The following ZNF354A variants were observed in gnomAD, a reference collection of about 807,000 sequenced individuals.
ZNF354A encodes zinc finger protein 354A, also known as epididymis luminal protein 104.
A neutral mutation model predicts 53.3 loss-of-function variants in ZNF354A; 25 were observed. The ratio of observed to expected loss-of-function variants is 0.47; its 90% CI spans 0.34 to 0.66. The LOEUF (loss-of-function observed/expected upper bound fraction) is 0.66, where lower values mean the gene tolerates loss of function less well. Among genes scored for constraint, ZNF354A ranks in the 30% least tolerant of loss-of-function variants. ZNF354A has a pLI of 0.01. For missense variants in ZNF354A, 586 were observed against 716.8 expected (o/e 0.82, Z 2.08); for synonymous variants, 228 against 249.0 (o/e 0.92, Z 0.79).
chr5:178,722,707 T>C (rs1028159041), intron 4 of ZNF354A, among the ~76,000 whole-genome samples: 5 of 152,130 alleles, frequency 3.3e-5, no homozygotes, highest in East Asian at 3.9e-4. Flanking sequence ...TTTAGGTTCT[T>C]GGAAAACAGG....
rs1765663146 is a variant in ZNF354A at position 178,713,564 on chromosome 5, T to C, written c.314A>G (p.Gln105Arg). The C allele has an allele frequency of 6.2e-7, 1 of 1,603,796 alleles. No individual in the cohort carries two copies. Among genetic ancestry groups the C allele is most frequent in the Admixed American group, 1.7e-5 (1 of 57,410 alleles). Residue 105 changes from glutamine (Q) to arginine (R), a missense_variant, in exon 5 of 5, where the codon CAG becomes CGG. Coordinates refer to ENST00000335815, the MANE Select transcript of ZNF354A (RefSeq NM_005649.3). The stretch of plus-strand genomic sequence containing the variant: ...GTTGGATCTTTTCAGTATCAGTCCC[T>C]GAAATGAAGAGTCTTGTGTTTGCGT... The part of the protein sequence containing the change: ...KSTQTQDSSF[Q>R]GLILKRSNRN...
chr5:178,723,824 A>G lies in ZNF354A; in HGVS notation c.256+1552T>C, dbSNP rs570621794. On this transcript the variant is annotated intron_variant, in intron 4 of 4. Coordinates refer to ENST00000335815, the MANE Select transcript of ZNF354A (RefSeq NM_005649.3). ...CCAGTTCAACCACTCTCAGTCCCCC[A>G]CTGCCACGATGGCCCCTCCCCGTTT... Among the ~76,000 whole-genome samples, 3 of 144,260 alleles carry G rather than the reference A, an allele frequency of 2.1e-5. No homozygotes were observed. In the East Asian group the frequency reaches 6.3e-4, roughly 30 times the overall value. The allele number at this position is 144,260 out of a possible 152,430, so 94.6% of individuals were successfully genotyped here. A position where few individuals can be genotyped will look rare whatever the true frequency, so the allele number is the denominator to read the frequency against.
At chr5:178,723,626 C>T (rs1184982936) in intron 4 of ZNF354A, among the ~76,000 whole-genome samples, 1 of 152,204 alleles carries the variant, frequency 6.6e-6, no homozygotes, top group Non-Finnish European at 1.5e-5. Flanking sequence ...GTCTTTCCCA[C>T]GTGGTCCTCA....
intron 4 of ZNF354A, among the ~76,000 whole-genome samples, chr5:178,724,837 T>C (rs1396176419): frequency 6.6e-6 from 1 of 152,232 alleles, no homozygotes; most frequent in Non-Finnish European, 1.5e-5. Context: ...CCTGGACTCT[T>C]GTTTTCAGGG....
intron 4 of ZNF354A, among the ~76,000 whole-genome samples, chr5:178,718,466 G>T (rs1765754680): frequency 6.6e-6 from 1 of 152,284 alleles, no homozygotes; most frequent in African/African-American, 2.4e-5. Context: ...CTCCCTGGAT[G>T]ATTTCATTTA....
At chr5:178,719,204 A>T (rs942998300) in intron 4 of ZNF354A, among the ~76,000 whole-genome samples, 1 of 152,222 alleles carries the variant, frequency 6.6e-6, no homozygotes, top group Non-Finnish European at 1.5e-5. Context: ...CCTACTATGT[A>T]TTAGGCTCTA....
intron 1 of ZNF354A, among the ~76,000 whole-genome samples, chr5:178,730,111 C>T (rs1766003709): frequency 6.6e-6 from 1 of 152,116 alleles, no homozygotes; most frequent in African/African-American, 2.4e-5. Context: ...GTGATCCACC[C>T]GCTTCGGCCT....
At chr5:178,729,921 G>GT (rs1171431234) in intron 1 of ZNF354A, among the ~76,000 whole-genome samples, 3 of 137,906 alleles carry the variant, frequency 2.2e-5, no homozygotes, top group East Asian at 2.2e-4. Flanking sequence ...CTGGAGTGCA[G>GT]GGCTTGATCT....
rs145740485 is a variant in ZNF354A, at chr5:178,714,603, T to G, written c.257-982A>C. Among the ~76,000 whole-genome samples, 901 of 152,334 alleles carry G rather than the reference T, an allele frequency of 5.9e-3. 6 individuals carry two copies. Among genetic ancestry groups the G allele is most frequent in the African/African-American group, 0.02 (827 of 41,572 alleles). On this transcript the variant is annotated intron_variant, in intron 4 of 4. Coordinates refer to ENST00000335815, the MANE Select transcript of ZNF354A (RefSeq NM_005649.3). ...TCAGAATGCCCTATTTTCCTACAGA[T>G]CCTCTTGACAGCACTCCAATTATAT...
In ZNF354A at chr5:178,711,821, A is replaced by G; in HGVS notation, c.*239T>C. On this transcript the variant is annotated 3_prime_UTR_variant, in exon 5 of 5. Coordinates refer to ENST00000335815, the MANE Select transcript of ZNF354A (RefSeq NM_005649.3). ...AAGCAAACCCATTTCACAAATGGCT[A>G]AAGTCAATGTCTTCAATTGTAAATT... 2.4e-6 allele frequency: 1 copy of G among 411,710 alleles called. No individual in the cohort carries two copies. The highest frequency in any genetic ancestry group is 4.2e-6 in the Non-Finnish European group (1 of 239,888). The allele number at this position is 411,710 out of a possible 1,614,324, so 25.5% of individuals were successfully genotyped here.
At chr5:178,730,307 G>A (rs1766008694) in intron 1 of ZNF354A, among the ~76,000 whole-genome samples, 1 of 152,070 alleles carries the variant, frequency 6.6e-6, no homozygotes, top group South Asian at 2.1e-4. Context: ...AGGCCCACAT[G>A]GAGTGGGCAG....
Position 178,712,571 on chromosome 5 carries a change from T to C in ZNF354A, c.1307A>G (p.Lys436Arg), listed in dbSNP as rs1765640171. ...NRHRIIHTGEKFYNCNECGKA... is the reference protein window; with the variant it reads ...NRHRIIHTGERFYNCNECGKA... ...ACCACATTCATTACAATTATAAAAC[T>C]TCTCTCCAGTATGAATGATTCGGTG... The change falls in exon 5 of 5, where the codon AAG becomes AGG. Residue 436 changes from lysine (K) to arginine (R), a missense_variant. By Grantham distance (26) the Lys-to-Arg change is conservative. Coordinates refer to ENST00000335815, the MANE Select transcript of ZNF354A (RefSeq NM_005649.3). 1 of 1,614,096 alleles carries C rather than the reference T, an allele frequency of 6.2e-7. No homozygotes were observed. Among genetic ancestry groups the C allele is most frequent in the Admixed American group, 1.7e-5 (1 of 60,008 alleles).
chr5:178,726,841 G>C (rs1406307187), intron 3 of ZNF354A, among the ~76,000 whole-genome samples, 158 bp downstream of exon 3: 1 of 152,164 alleles, frequency 6.6e-6, no homozygotes, highest in Non-Finnish European at 1.5e-5. Flanking sequence ...GCCTATAAGG[G>C]GGAATAGGTT....
At chr5:178,730,345 C>T (rs772815061) in intron 1 of ZNF354A, among the ~76,000 whole-genome samples, 1 of 152,056 alleles carries the variant, frequency 6.6e-6, no homozygotes, top group African/African-American at 2.4e-5. Flanking sequence ...ACGCCAGGCC[C>T]GGCGTCCACG....
In ZNF354A at chr5:178,712,616, GAAGTA is replaced by G. The variant is rs1765641291; in HGVS notation, c.1257_1261del (p.Thr420TyrfsTer5). On this transcript the variant is annotated frameshift_variant, in exon 5 of 5. Transcript: ENST00000335815. LOFTEE classifies it high-confidence loss of function. ...TCGGTGTCTATTAAGTCGTGAAATA[GAAGTA>G]AAGCCTTTCCCACATTCATTGCATC... is the stretch of plus-strand genomic sequence containing the variant. The G allele has an allele frequency of 6.2e-7, 1 of 1,614,002 alleles. No individual in the cohort carries two copies. The highest frequency in any genetic ancestry group is 1.3e-5 in the African/African-American group (1 of 74,908).
Position 178,715,062 on chromosome 5 carries a change from T to C in ZNF354A, c.257-1441A>G, listed in dbSNP as rs75214648. Among the ~76,000 whole-genome samples, 471 of 152,236 alleles carry C rather than the reference T, an allele frequency of 3.1e-3. 5 individuals are homozygous for C. The highest frequency in any genetic ancestry group is 0.016 in the Admixed American group (249 of 15,304). ...AGGCATGGATATATAAGATAAAGCA[T>C]GGTTAACATGGAAAAGTAAAGAACA... On this transcript the variant is annotated intron_variant, in intron 4 of 4. Coordinates refer to ENST00000335815, the MANE Select transcript of ZNF354A (RefSeq NM_005649.3).
Position 178,722,594 on chromosome 5 carries a change from C to T in ZNF354A, c.256+2782G>A, listed in dbSNP as rs184191334. 2.9e-3 allele frequency among the ~76,000 whole-genome samples: 439 copies of T among 152,298 alleles called. 1 individual carries two copies. The highest frequency in any genetic ancestry group is 8.3e-3 in the African/African-American group (346 of 41,568). On this transcript the variant is annotated intron_variant, in intron 4 of 4. Transcript: ENST00000335815. ...CTGCTGGCTGTATCTCCTGGACATC[C>T]CTGGGACTGGTTCACTTCTTTCTGT...
At chr5:178,724,420 T>C (rs1015968126) in intron 4 of ZNF354A, among the ~76,000 whole-genome samples, 12 of 151,976 alleles carry the variant, frequency 7.9e-5, no homozygotes, top group Admixed American at 7.9e-4. Context: ...AGGCAGGGTT[T>C]TGCCATGTTG....
At position 178,712,920 on chromosome 5, in the gene ZNF354A, GA is replaced by G; in HGVS notation, c.957del (p.His320MetfsTer128). 1.2e-6 allele frequency: 2 copies of G among 1,614,072 alleles called. No homozygotes were observed. Among genetic ancestry groups the G allele is most frequent in the Non-Finnish European group, 1.7e-6 (2 of 1,180,010 alleles). The part of the protein sequence containing the change: ...RRSGLFIHQK[I>X]HAEENPCKYN... The stretch of plus-strand genomic sequence containing the variant: ...TACTTACAAGGGTTTTCTTCAGCAT[GA>G]ATTTTTTGATGTATAAAAAGGCCTG... On this transcript the variant is annotated frameshift_variant, in exon 5 of 5. Transcript: ENST00000335815. LOFTEE classifies it high-confidence loss of function.
Sources: allele counts gnomAD v4.1 joint callset (sites outside exome capture counted in the v4.1 genomes callset), GRCh38; gene constraint gnomAD v4.1.1; transcripts MANE v1.5; gene names NCBI Gene and HGNC (gene_info 2026-07-23, HGNC 2026-07-21).